Variants in DGAT2 observed in about 807,000 individuals in gnomAD.
The protein encoded by DGAT2 is acyl-CoA retinol O-fatty-acyltransferase.
A neutral mutation model predicts 48.4 loss-of-function variants in DGAT2; 33 were observed. That is an observed-to-expected ratio of 0.68 (90% confidence interval 0.52 to 0.91). The LOEUF (loss-of-function observed/expected upper bound fraction) is 0.91, where lower values mean the gene tolerates loss of function less well. Among genes scored for constraint, DGAT2 ranks in the 40% least tolerant of loss-of-function variants. The pLI is 0.00. For missense variants in DGAT2, 446 were observed against 493.7 expected, an observed-to-expected ratio of 0.90 and a Z score of 0.92; for synonymous variants, 191 against 194.1, an observed-to-expected ratio of 0.98 and a Z score of 0.13.
In DGAT2 at chr11:75,796,670, C is replaced by G. The variant is rs1945058745; in HGVS notation, c.634+138C>G. On this transcript the variant is annotated intron_variant, in intron 5 of 7. Coordinates refer to ENST00000228027, the MANE Select transcript of DGAT2 (RefSeq NM_032564.5). The stretch of plus-strand genomic sequence containing the variant: ...ATTGGGAGATGCAACCTGCTTCAGA[C>G]ATGGTGGGTCAGGGCTGAGGAGGAG... The G allele has an allele frequency of 3.5e-6, 3 of 846,650 alleles. No homozygotes were observed. In the Admixed American group the frequency reaches 7.8e-5, roughly 22 times the overall value. The allele number at this position is 846,650 out of a possible 1,614,324, so 52.4% of individuals were successfully genotyped here.
At chr11:75,788,877 G>C (rs994061864) in intron 2 of DGAT2, among the ~76,000 whole-genome samples, 17 of 152,324 alleles carry the variant, frequency 1.1e-4, no homozygotes, top group African/African-American at 4.1e-4. Context: ...AAATTCACAG[G>C]CAAGAGATGA....
intron 1 of DGAT2, among the ~76,000 whole-genome samples, chr11:75,769,447 G>A (rs1944734689): frequency 1.3e-5 from 2 of 152,058 alleles, no homozygotes; most frequent in Non-Finnish European, 2.9e-5. Flanking sequence ...TGGGCAGGAT[G>A]GTATGGGTTT....
At chr11:75,778,743 A>G (rs1410138837) in intron 1 of DGAT2, among the ~76,000 whole-genome samples, 2 of 150,006 alleles carry the variant, frequency 1.3e-5, no homozygotes, top group Non-Finnish European at 3.0e-5. Context: ...CTGAGGCAGG[A>G]GAATGGAGTG....
chr11:75,782,295 C>A (rs140030272), intron 1 of DGAT2, among the ~76,000 whole-genome samples: 1 of 151,156 alleles, frequency 6.6e-6, no homozygotes, highest in Admixed American at 6.6e-5. Context: ...GATTTTGATT[C>A]AGTAAATCCA....
At chr11:75,786,506 C>A (rs1417083802) in intron 2 of DGAT2, among the ~76,000 whole-genome samples, 1 of 152,186 alleles carries the variant, frequency 6.6e-6, no homozygotes, top group African/African-American at 2.4e-5. Context: ...GCTTGTAGAA[C>A]ACCAGCTCAC....
chr11:75,790,616 A>G (rs1253611897), intron 3 of DGAT2, 45 bp from the exon 4 acceptor site: 2 of 1,596,876 alleles, frequency 1.3e-6, no homozygotes, highest in African/African-American at 1.3e-5. Flanking sequence ...GCCTTGCCCA[A>G]ATGTACCCCC....
At chr11:75,785,728 G>A (rs1347586274) in intron 2 of DGAT2, among the ~76,000 whole-genome samples, 3 of 152,356 alleles carry the variant, frequency 2.0e-5, no homozygotes, top group Non-Finnish European at 2.9e-5. Flanking sequence ...GTATAGGCTG[G>A]TAGGGGATCA....
rs750728814 is a variant in DGAT2 at position 75,784,704 on chromosome 11, G to C, written c.208G>C (p.Val70Leu). 6.2e-7 allele frequency: 1 copy of C among 1,614,100 alleles called. No homozygotes were observed. Among genetic ancestry groups the C allele is most frequent in the Non-Finnish European group, 8.5e-7 (1 of 1,179,994 alleles). Residue 70 changes from valine (V) to leucine (L), a missense_variant, in exon 2 of 8, where the codon GTC (valine) becomes CTC (leucine). Transcript: ENST00000228027. ...GTCCAAGGTGGAAAAGCAGCTACAG[G>C]TCATCTCAGTGCTCCAGTGGGTCCT... Reference protein sequence around the residue: ...NRSKVEKQLQVISVLQWVLSF... With the variant: ...NRSKVEKQLQLISVLQWVLSF...
chr11:75,787,515 G>A (rs1335424980), intron 2 of DGAT2, among the ~76,000 whole-genome samples: 34 of 152,204 alleles, frequency 2.2e-4, no homozygotes, highest in Non-Finnish European at 1.5e-5. Flanking sequence ...ATAATGTGCA[G>A]GAAGCAGGTG....
chr11:75,790,104 A>G lies in DGAT2; in HGVS notation c.251-84A>G, dbSNP rs569961270. The G allele has an allele frequency of 3.5e-4, 349 of 1,010,068 alleles. 1 individual carries two copies. Among genetic ancestry groups the G allele is most frequent in the Non-Finnish European group, 5.0e-4 (321 of 639,420 alleles). 62.6% of individuals were successfully genotyped at this position (1,010,068 alleles called of 1,614,324 possible). A position where few individuals can be genotyped will look rare whatever the true frequency, so the allele number is the denominator to read the frequency against. ...CCCTGGGTGTGCCTAGCTTAGTGCC[A>G]CAGTAAACACTCACTCCATCCACCA... On this transcript the variant is annotated intron_variant, in intron 2 of 7. Coordinates refer to ENST00000228027, the MANE Select transcript of DGAT2 (RefSeq NM_032564.5).
intron 1 of DGAT2, among the ~76,000 whole-genome samples, chr11:75,775,423 G>A (rs1481769346): frequency 6.6e-6 from 1 of 152,220 alleles, no homozygotes; most frequent in Non-Finnish European, 1.5e-5. Context: ...GTCCCAGTGG[G>A]CCCTGCTTTA....
chr11:75,799,644 C>T (rs1383907504), intron 7 of DGAT2, among the ~76,000 whole-genome samples: 1 of 151,294 alleles, frequency 6.6e-6, no homozygotes, highest in African/African-American at 2.4e-5. Flanking sequence ...GACAGGGTCT[C>T]ATTCTGTCAT....
intron 1 of DGAT2, among the ~76,000 whole-genome samples, chr11:75,778,265 T>G (rs1944821524): frequency 6.6e-6 from 1 of 152,144 alleles, no homozygotes; most frequent in Non-Finnish European, 1.5e-5. Context: ...GTTCCAGCAG[T>G]TTCCCCCAAC....
chr11:75,771,930 A>C (rs1944761899), intron 1 of DGAT2, among the ~76,000 whole-genome samples: 1 of 152,180 alleles, frequency 6.6e-6, no homozygotes, highest in Non-Finnish European at 1.5e-5. Context: ...TGTAAAAATT[A>C]GTGCTGGATC....
At chr11:75,771,162 G>A (rs973492130) in intron 1 of DGAT2, among the ~76,000 whole-genome samples, 1 of 151,852 alleles carries the variant, frequency 6.6e-6, no homozygotes, top group Non-Finnish European at 1.5e-5. Flanking sequence ...CTGGTTTCTT[G>A]GCCAAAAAAA....
At chr11:75,796,723 A>G (rs1376020946) in intron 5 of DGAT2, 191 bp downstream of exon 5, 2 of 608,850 alleles carry the variant, frequency 3.3e-6, no homozygotes, top group Admixed American at 3.2e-5. Context: ...TGAGAATTCA[A>G]CTCGGATAAC....
In DGAT2 at chr11:75,768,938, G is replaced by T. The variant is rs929454305; in HGVS notation, c.-54G>T. ...GCCCCGGGGGCCGGGGCATGGGCCA[G>T]GGGCGCGGGGTGAAGCGGCTTCCCG... is the stretch of plus-strand genomic sequence containing the variant. On this transcript the variant is annotated 5_prime_UTR_variant, in exon 1 of 8. The change creates a new upstream start codon in the 5' untranslated region. Coordinates refer to ENST00000228027, the MANE Select transcript of DGAT2 (RefSeq NM_032564.5). The T allele has an allele frequency of 3.5e-6, 5 of 1,417,190 alleles. No individual in the cohort carries two copies. In the African/African-American group the frequency reaches 6.0e-5, roughly 17 times the overall value. The allele number at this position is 1,417,190 out of a possible 1,614,324, so 87.8% of individuals were successfully genotyped here. A position where few individuals can be genotyped will look rare whatever the true frequency, so the allele number is the denominator to read the frequency against.
intron 1 of DGAT2, among the ~76,000 whole-genome samples, chr11:75,769,864 C>G (rs1382735357): frequency 6.6e-6 from 1 of 152,138 alleles, no homozygotes; most frequent in Non-Finnish European, 1.5e-5. Flanking sequence ...TCACAGCTGT[C>G]CTGGTCTGCG....
At chr11:75,800,240 C>A in intron 7 of DGAT2, 114 bp from the exon 8 acceptor site, 1 of 1,286,128 alleles carries the variant, frequency 7.8e-7, no homozygotes. Context: ...AAGCATTTGG[C>A]ACAGTTCCTT....
Sources: allele counts gnomAD v4.1 joint callset (sites outside exome capture counted in the v4.1 genomes callset), GRCh38; gene constraint gnomAD v4.1.1; transcripts MANE v1.5; gene names NCBI Gene and HGNC (gene_info 2026-07-23, HGNC 2026-07-21).